Variants in BST1 observed in about 807,000 individuals in gnomAD.
BST1 encodes ADP-ribosyl cyclase/cyclic ADP-ribose hydrolase 2.
Under a neutral mutation model 40.6 loss-of-function variants are expected in BST1, and 49 were observed. The observed-to-expected ratio is 1.21, with a 90% CI of 0.96 to 1.53. The LOEUF is 1.53. BST1 is among the 40% of genes most tolerant of loss of function. BST1 has a pLI of 0.00. For missense variants in BST1, 423 were observed against 395.9 expected, an observed-to-expected ratio of 1.07 and a Z score of -0.58; for synonymous variants, 157 against 159.3, an observed-to-expected ratio of 0.99 and a Z score of 0.11.
At chr4:15,767,377 C>T in the BST1 span, among the ~76,000 whole-genome samples, 1 of 151,380 alleles carries the variant, frequency 6.6e-6, no homozygotes, top group African/African-American at 2.4e-5. Flanking sequence ...GATCTCAGCT[C>T]ACTGCAAACT....
At chr4:15,767,927 T>C in the BST1 span, among the ~76,000 whole-genome samples, 1 of 152,200 alleles carries the variant, frequency 6.6e-6, no homozygotes, top group Non-Finnish European at 1.5e-5. Context: ...AGCCCCCTTG[T>C]AGTTTTGAAA....
chr4:15,724,485 A>G (rs36097300), intron 8 of BST1, among the ~76,000 whole-genome samples: 20,420 of 151,978 alleles, frequency 0.13, 2,569 homozygotes, highest in East Asian at 0.53. Flanking sequence ...TCAGGAGTTC[A>G]AGACCTGCCT....
At chr4:15,774,140 C>T in the BST1 span, among the ~76,000 whole-genome samples, 1 of 152,138 alleles carries the variant, frequency 6.6e-6, no homozygotes, top group East Asian at 1.9e-4. Flanking sequence ...ACCGGGAAGA[C>T]CACGTGCAGA....
At chr4:15,708,392 G>C (rs1033931270) in intron 3 of BST1, among the ~76,000 whole-genome samples, 1 of 152,140 alleles carries the variant, frequency 6.6e-6, no homozygotes, top group African/African-American at 2.4e-5. Flanking sequence ...GCCTCATGGG[G>C]GATATCAGCT....
downstream of BST1, chr4:15,736,034 C>T (rs1721549057): frequency 1.6e-6 from 2 of 1,264,812 alleles, no homozygotes; most frequent in African/African-American, 3.1e-5. Context: ...TGTTTTTATG[C>T]ACATATTTAT....
At chr4:15,717,220 CT>C (rs1361656374) in intron 6 of BST1, among the ~76,000 whole-genome samples, 2 of 152,152 alleles carry the variant, frequency 1.3e-5, no homozygotes, top group East Asian at 1.9e-4. Flanking sequence ...TGGCAAAGTT[CT>C]AAAAAATGAT....
chr4:15,718,445 G>T (rs1296846499), intron 6 of BST1, among the ~76,000 whole-genome samples: 1 of 151,878 alleles, frequency 6.6e-6, no homozygotes, highest in Non-Finnish European at 1.5e-5. Context: ...TGAGATTTGG[G>T]GTAATTTTTT....
downstream of BST1, among the ~76,000 whole-genome samples, chr4:15,741,342 G>A (rs1314792209): frequency 6.6e-6 from 1 of 152,100 alleles, no homozygotes; most frequent in African/African-American, 2.4e-5. Flanking sequence ...TGTGCTCCTA[G>A]CAATCCTATT....
chr4:15,725,043 A>T (rs896699705), intron 8 of BST1, among the ~76,000 whole-genome samples: 16 of 152,136 alleles, frequency 1.1e-4, no homozygotes, highest in African/African-American at 3.4e-4. Flanking sequence ...CCATGGCATC[A>T]CTCTACCAGC....
At chr4:15,710,950 C>G (rs776117080) in intron 3 of BST1, among the ~76,000 whole-genome samples, 1 of 151,984 alleles carries the variant, frequency 6.6e-6, no homozygotes, top group African/African-American at 2.4e-5. Context: ...CCACCATACC[C>G]GGCTAATTTT....
chr4:15,739,543 A>G (rs544704612), downstream of BST1, among the ~76,000 whole-genome samples: 92 of 145,458 alleles, frequency 6.3e-4, no homozygotes, highest in Non-Finnish European at 1.2e-3. Flanking sequence ...ATGCATGTTA[A>G]GAAGCCAAAC....
the BST1 span, among the ~76,000 whole-genome samples, chr4:15,747,547 C>G: frequency 2.1e-4 from 32 of 152,298 alleles, no homozygotes; most frequent in African/African-American, 6.7e-4. Context: ...TGAAGACTGT[C>G]TTCTTGGACT....
At chr4:15,706,072 G>A (rs1242154682) in intron 2 of BST1, among the ~76,000 whole-genome samples, 4 of 152,134 alleles carry the variant, frequency 2.6e-5, no homozygotes, top group Non-Finnish European at 5.9e-5. Flanking sequence ...ACTCCCTCAG[G>A]AGAACAGCAG....
chr4:15,751,974 C>T, the BST1 span, among the ~76,000 whole-genome samples: 12 of 152,112 alleles, frequency 7.9e-5, no homozygotes, highest in African/African-American at 2.9e-4. Context: ...TGAATTATTG[C>T]CGTTTTATAA....
At chr4:15,740,632 C>T (rs555350577), downstream of BST1, among the ~76,000 whole-genome samples, 1 of 152,022 alleles carries the variant, frequency 6.6e-6, no homozygotes, top group African/African-American at 2.4e-5. Context: ...AGCATTTGCA[C>T]CTTATTTAAC....
chr4:15,703,885 AG>A (rs1419648931), intron 1 of BST1, among the ~76,000 whole-genome samples: 1 of 47,412 alleles, frequency 2.1e-5, no homozygotes, highest in African/African-American at 8.5e-5. Context: ...CTAGAGGTGA[AG>A]GGGGTGTGTG....
At chr4:15,749,398 G>GTTT in the BST1 span, among the ~76,000 whole-genome samples, 2 of 152,130 alleles carry the variant, frequency 1.3e-5, no homozygotes, top group Non-Finnish European at 2.9e-5. Context: ...TGTTGTTGTT[G>GTTT]TCGTTGTTGT....
intron 8 of BST1, among the ~76,000 whole-genome samples, chr4:15,728,449 C>CTT (rs974237825): frequency 1.7e-3 from 209 of 119,566 alleles, no homozygotes; most frequent in African/African-American, 3.7e-3. Flanking sequence ...AATTCTTTTT[C>CTT]TTTTTTTTTT....
intron 6 of BST1, 31 bp downstream of exon 6, chr4:15,715,830 T>C: frequency 6.9e-7 from 1 of 1,452,382 alleles, no homozygotes; most frequent in Non-Finnish European, 9.3e-7. Context: ...TGATGATAAT[T>C]GCACAAGTTT....
Sources: allele counts gnomAD v4.1 joint callset (sites outside exome capture counted in the v4.1 genomes callset), GRCh38; gene constraint gnomAD v4.1.1; transcripts MANE v1.5; gene names NCBI Gene and HGNC (gene_info 2026-07-23, HGNC 2026-07-21).